The following NLRC5 variants were observed in gnomAD, a reference collection of about 807,000 sequenced individuals.
NLRC5 encodes NLR family CARD domain containing 5.
Under a neutral mutation model 206.9 loss-of-function variants are expected in NLRC5, and 114 were observed. The ratio of observed to expected loss-of-function variants is 0.55; its 90% confidence interval spans 0.47 to 0.64. NLRC5 has a LOEUF of 0.64. Among genes scored for constraint, NLRC5 ranks in the 30% least tolerant of loss-of-function variants. NLRC5 has a pLI of 0.00. For missense variants in NLRC5, 2,008 were observed against 2,305.5 expected, an observed-to-expected ratio of 0.87 and a Z score of 2.64; for synonymous variants, 952 against 962.8, an observed-to-expected ratio of 0.99 and a Z score of 0.21.
At chr16:57,023,346 A>T (rs2060881836) in intron 4 of NLRC5, among the ~76,000 whole-genome samples, 1 of 152,200 alleles carries the variant, frequency 6.6e-6, no homozygotes, top group South Asian at 2.1e-4. Context: ...TGTGGGTGAT[A>T]AGAAATCGGG....
chr16:57,063,546 T>A (rs2066769336), intron 32 of NLRC5, among the ~76,000 whole-genome samples: 1 of 152,312 alleles, frequency 6.6e-6, no homozygotes, highest in East Asian at 1.9e-4. Context: ...TTTCTTTTTT[T>A]AAATATTATT....
intron 1 of NLRC5, among the ~76,000 whole-genome samples, chr16:57,010,946 CAAAGGGTCCTAA>C (rs1313959416): frequency 1.3e-5 from 2 of 151,832 alleles, no homozygotes; most frequent in Non-Finnish European, 1.5e-5. Context: ...TTGAATGGTT[CAAAGGGTCCTAA>C]AAAGGGTCCA....
intron 1 of NLRC5, among the ~76,000 whole-genome samples, chr16:57,009,941 G>A (rs2059320496): frequency 6.6e-6 from 1 of 152,054 alleles, no homozygotes; most frequent in South Asian, 2.1e-4. Context: ...GGTGGACAGA[G>A]ACCAGGGAGG....
chr16:57,046,301 G>A (rs1282308458), intron 21 of NLRC5, among the ~76,000 whole-genome samples: 4 of 152,300 alleles, frequency 2.6e-5, no homozygotes, highest in Non-Finnish European at 5.9e-5. Flanking sequence ...ACAAGCTGCT[G>A]GCTTTTCTAA....
intron 1 of NLRC5, among the ~76,000 whole-genome samples, chr16:56,997,744 C>A (rs1466663567): frequency 6.6e-6 from 1 of 151,932 alleles, no homozygotes; most frequent in Non-Finnish European, 1.5e-5. Flanking sequence ...CCATGCCTGG[C>A]TAATTTTTGT....
At chr16:57,062,522 T>G in intron 32 of NLRC5, 1 of 198,510 alleles carries the variant, frequency 5.0e-6, no homozygotes, top group Middle Eastern at 1.3e-3. Flanking sequence ...CTGTGTGTAC[T>G]GCAGACTGTC....
At position 57,054,840 on chromosome 16, in the gene NLRC5, G is replaced by T; in HGVS notation, c.3596G>T (p.Arg1199Met). ...CCACGGGTTAAAAAGGTGGATCTCAGGTGGGCATTCCCCTGGGACAGCCAG... is the reference window on the plus strand; with the variant it reads ...CCACGGGTTAAAAAGGTGGATCTCATGTGGGCATTCCCCTGGGACAGCCAG... Reference protein sequence around the residue: ...LCPRVKKVDLRSLHHATLHFR... With the variant: ...LCPRVKKVDLMSLHHATLHFR... The change falls in exon 25 of 49, where the codon AGG becomes ATG. Residue 1199 changes from arginine to methionine, a missense_variant and splice_region_variant. Transcript: ENST00000688547. 10 of 1,614,142 alleles carry T rather than the reference G, an allele frequency of 6.2e-6. No homozygotes were observed. The highest frequency in any genetic ancestry group is 1.1e-5 in the South Asian group (1 of 91,090).
Position 57,055,100 on chromosome 16 carries a change from C to T in NLRC5, c.3659+6C>T, listed in dbSNP as rs778065711. On this transcript the variant is annotated splice_donor_region_variant and intron_variant, in intron 26 of 48. Transcript: ENST00000688547. ...GAGGAAGGCGTGTGCTGTGGGTAAG[C>T]CCCCTTGAACCATGCCTAGGCAGCT... The T allele has an allele frequency of 8.1e-6, 13 of 1,614,008 alleles. No individual in the cohort carries two copies. The highest frequency in any genetic ancestry group is 1.1e-5 in the Non-Finnish European group (13 of 1,179,950).
intron 38 of NLRC5, among the ~76,000 whole-genome samples, chr16:57,070,893 GGTGA>G (rs1360793495): frequency 1.4e-5 from 2 of 140,230 alleles, no homozygotes; most frequent in Non-Finnish European, 3.0e-5. Context: ...TGGGGAAGGG[GGTGA>G]GTGAGTGGTG....
chr16:57,082,571 C>A lies in NLRC5; in HGVS notation c.*43C>A. ...TTGGAATCCAGCCAAGTGATGCACCCAAATGATCCACCTTTCGCCCACTGG... is the reference window on the plus strand; with the variant it reads ...TTGGAATCCAGCCAAGTGATGCACCAAAATGATCCACCTTTCGCCCACTGG... On this transcript the variant is annotated 3_prime_UTR_variant, in exon 49 of 49. Transcript: ENST00000688547. 2 of 1,412,574 alleles carry A rather than the reference C, an allele frequency of 1.4e-6. No individual in the cohort carries two copies. Among genetic ancestry groups the A allele is most frequent in the Non-Finnish European group, 2.0e-6 (2 of 1,003,082 alleles). The allele number at this position is 1,412,574 out of a possible 1,614,324, so 87.5% of individuals were successfully genotyped here. A position where few individuals can be genotyped will look rare whatever the true frequency, so the allele number is the denominator to read the frequency against.
At chr16:57,063,394 G>A (rs530985869) in intron 32 of NLRC5, among the ~76,000 whole-genome samples, 6 of 152,066 alleles carry the variant, frequency 3.9e-5, no homozygotes, top group Non-Finnish European at 7.4e-5. Flanking sequence ...GGGATTACAG[G>A]CATGAGCCAC....
chr16:57,076,352 A>T (rs759587482), intron 39 of NLRC5, among the ~76,000 whole-genome samples: 1 of 152,258 alleles, frequency 6.6e-6, no homozygotes, highest in Non-Finnish European at 1.5e-5. Context: ...GGCTCAGTAA[A>T]GACAATACCC....
At chr16:57,007,891 C>T (rs1567516651) in intron 1 of NLRC5, among the ~76,000 whole-genome samples, 3 of 152,110 alleles carry the variant, frequency 2.0e-5, no homozygotes, top group Non-Finnish European at 4.4e-5. Flanking sequence ...ATGATGTATA[C>T]ATTTATAACC....
At chr16:56,993,134 C>CACGTATATATGTGTATATATATAT (rs1445203454) in intron 1 of NLRC5, among the ~76,000 whole-genome samples, 52 of 81,852 alleles carry the variant, frequency 6.4e-4, no homozygotes, top group Admixed American at 3.2e-3. Context: ...TATATATATA[C>CACGTATATATGTGTATATATATAT]ACACACACAC....
intron 36 of NLRC5, among the ~76,000 whole-genome samples, chr16:57,068,236 C>A (rs1385870639): frequency 6.6e-6 from 1 of 151,912 alleles, no homozygotes; most frequent in South Asian, 2.1e-4. Context: ...TCGAGACCAC[C>A]CTGGACAACA....
At chr16:57,070,849 TG>T (rs2067582663) in intron 38 of NLRC5, among the ~76,000 whole-genome samples, 1 of 123,594 alleles carries the variant, frequency 8.1e-6, no homozygotes, top group Non-Finnish European at 1.6e-5. Flanking sequence ...TGGTGGTTAA[TG>T]GGGAAGGGTG....
At chr16:57,042,477 A>G (rs1344120643) in intron 19 of NLRC5, among the ~76,000 whole-genome samples, 4 of 152,092 alleles carry the variant, frequency 2.6e-5, no homozygotes, top group Admixed American at 2.6e-4. Context: ...ACACTCAAGC[A>G]GGGTGCCCAG....
At chr16:57,079,683 G>C in intron 46 of NLRC5, 54 bp downstream of exon 46, 10 of 1,509,984 alleles carry the variant, frequency 6.6e-6, no homozygotes, top group Non-Finnish European at 9.2e-6. Flanking sequence ...GTCGGGAGGG[G>C]TCGGGGGAGT....
At chr16:57,056,381 C>A (rs1218725038) in intron 27 of NLRC5, among the ~76,000 whole-genome samples, 1 of 151,926 alleles carries the variant, frequency 6.6e-6, no homozygotes, top group East Asian at 1.9e-4. Flanking sequence ...GCCTCCAACT[C>A]CTGGGCTCAA....
Sources: allele counts gnomAD v4.1 joint callset (sites outside exome capture counted in the v4.1 genomes callset), GRCh38; gene constraint gnomAD v4.1.1; transcripts MANE v1.5; gene names NCBI Gene and HGNC (gene_info 2026-07-23, HGNC 2026-07-21).